ZFHX3: variants seen among roughly 807,000 people sequenced by gnomAD.
ZFHX3 encodes zinc finger homeobox protein 3.
Under a neutral mutation model 279.1 loss-of-function variants are expected in ZFHX3, and 42 were observed. The ratio of observed to expected loss-of-function variants is 0.15; its 90% CI spans 0.12 to 0.19. ZFHX3 has a LOEUF of 0.19. Among genes scored for constraint, ZFHX3 ranks in the 10% least tolerant of loss-of-function variants. The pLI is 1.00. For missense variants in ZFHX3, 4,981 were observed against 4,754.0 expected (o/e 1.05, Z -1.40); for synonymous variants, 2,293 against 1,957.8 (o/e 1.17, Z -4.52).
intron 2 of ZFHX3, among the ~76,000 whole-genome samples, chr16:73,567,333 G>A (rs1349289424): frequency 6.6e-6 from 1 of 151,988 alleles, no homozygotes; most frequent in African/African-American, 2.4e-5. Context: ...GGGAAACACT[G>A]TTCAATTTCA....
chr16:73,143,323 GAAGCCTTCACC>G (rs1966852309), intron 6 of ZFHX3, among the ~76,000 whole-genome samples: 1 of 151,902 alleles, frequency 6.6e-6, no homozygotes, highest in African/African-American at 2.4e-5. Context: ...AACTTCTAAC[GAAGCCTTCACC>G]AAGAAATGCT....
intron 2 of ZFHX3, among the ~76,000 whole-genome samples, chr16:73,586,343 C>T (rs1038543833): frequency 4.0e-5 from 6 of 151,740 alleles, no homozygotes; most frequent in South Asian, 4.2e-4. Flanking sequence ...AAGCTGAGAT[C>T]GCACCACTGC....
chr16:73,114,361 A>G (rs1390462468), intron 7 of ZFHX3, among the ~76,000 whole-genome samples: 2 of 151,986 alleles, frequency 1.3e-5, no homozygotes, highest in African/African-American at 4.8e-5. Flanking sequence ...TTTATTAATC[A>G]CCCCTTAGGT....
At chr16:73,456,527 C>T (rs1006979074) in intron 2 of ZFHX3, among the ~76,000 whole-genome samples, 1 of 152,150 alleles carries the variant, frequency 6.6e-6, no homozygotes, top group Non-Finnish European at 1.5e-5. Context: ...TTACACAGAA[C>T]GCTTACCACT....
At chr16:73,546,671 T>C (rs181817094) in intron 2 of ZFHX3, among the ~76,000 whole-genome samples, 77 of 143,520 alleles carry the variant, frequency 5.4e-4, no homozygotes, top group Admixed American at 1.1e-3. Context: ...GGTGCTGCTG[T>C]TGCTGCTGCT....
At chr16:73,046,245 T>A (rs1965297180) in intron 1 of ZFHX3, among the ~76,000 whole-genome samples, 1 of 152,218 alleles carries the variant, frequency 6.6e-6, no homozygotes, top group Non-Finnish European at 1.5e-5. Flanking sequence ...TTTGGAACCG[T>A]GGTCTCCTGA....
At chr16:73,252,765 A>G (rs1567431345) in intron 5 of ZFHX3, among the ~76,000 whole-genome samples, 1 of 152,196 alleles carries the variant, frequency 6.6e-6, no homozygotes, top group Non-Finnish European at 1.5e-5. Flanking sequence ...GGAAGGAGCC[A>G]GAGAAAGTCT....
intron 4 of ZFHX3, among the ~76,000 whole-genome samples, chr16:73,308,638 T>C (rs1318692522): frequency 6.6e-6 from 1 of 152,072 alleles, no homozygotes; most frequent in Non-Finnish European, 1.5e-5. Context: ...AATTTTGTAG[T>C]GCTAAGCTAG....
At chr16:73,213,811 G>C (rs550294528) in intron 5 of ZFHX3, among the ~76,000 whole-genome samples, 23 of 152,196 alleles carry the variant, frequency 1.5e-4, no homozygotes, top group African/African-American at 5.5e-4. Context: ...CTCCAGTTGA[G>C]TGCAGATACA....
chr16:73,786,840 T>C (rs1285066930), intron 1 of ZFHX3, among the ~76,000 whole-genome samples: 1 of 152,118 alleles, frequency 6.6e-6, no homozygotes, highest in Non-Finnish European at 1.5e-5. Flanking sequence ...AGTTGTCCTA[T>C]TCCTAGCTCT....
At chr16:73,858,106 A>AG (rs1425219086) in intron 1 of ZFHX3, among the ~76,000 whole-genome samples, 4 of 151,912 alleles carry the variant, frequency 2.6e-5, no homozygotes, top group East Asian at 1.9e-4. Context: ...AAAAAAAAAA[A>AG]AAGAAGAAGA....
chr16:73,550,452 G>A (rs969329917), intron 2 of ZFHX3, among the ~76,000 whole-genome samples: 6 of 152,204 alleles, frequency 3.9e-5, no homozygotes, highest in East Asian at 1.9e-4. Context: ...AACGCCCGCC[G>A]TCCCTGTGGC....
chr16:72,870,329 T>C (rs1210761439), intron 4 of ZFHX3, among the ~76,000 whole-genome samples: 1 of 150,974 alleles, frequency 6.6e-6, no homozygotes, highest in Non-Finnish European at 1.5e-5. Flanking sequence ...GAGGTGGAGG[T>C]TGCAGTGAGC....
intron 2 of ZFHX3, among the ~76,000 whole-genome samples, chr16:73,519,077 A>G (rs1170940664): frequency 6.6e-6 from 1 of 152,200 alleles, no homozygotes; most frequent in African/African-American, 2.4e-5. Context: ...AAGCTCATCA[A>G]CTTCTCGAGA....
intron 2 of ZFHX3, among the ~76,000 whole-genome samples, chr16:73,662,043 G>C (rs933729048): frequency 2.3e-5 from 3 of 131,102 alleles, no homozygotes; most frequent in Admixed American, 8.8e-5. Context: ...TGTTACACAA[G>C]AACTCAGGGT....
rs11442717 is a variant in ZFHX3 at position 73,578,383 on chromosome 16, G to GAA, written c.-1547+101795_-1547+101796dup. ...TGCTCAAGTTTCGTAGATGTTAAAT[G>GAA]AAAAAAAAAAAAACAAAGGGAAGGA... On this transcript the variant is annotated intron_variant, in intron 2 of 17. Coordinates refer to the ZFHX3 transcript ENST00000641206. Among the ~76,000 whole-genome samples the GAA allele has an allele frequency of 2.3e-3, 325 of 144,206 alleles. 2 individuals are homozygous for GAA. The highest frequency in any genetic ancestry group is 5.2e-3 in the East Asian group (26 of 5,008). 94.6% of individuals were successfully genotyped at this position (144,206 alleles called of 152,430 possible).
intron 1 of ZFHX3, among the ~76,000 whole-genome samples, chr16:72,964,616 C>A (rs1318209756): frequency 1.3e-5 from 2 of 149,660 alleles, no homozygotes; most frequent in South Asian, 4.2e-4. Context: ...CAGTGAGCTA[C>A]GATCGGGCCA....
At chr16:73,395,949 C>A (rs2056077296) in intron 3 of ZFHX3, among the ~76,000 whole-genome samples, 1 of 152,182 alleles carries the variant, frequency 6.6e-6, no homozygotes, top group Admixed American at 6.5e-5. Flanking sequence ...TAGAGTTATA[C>A]TTTTAACAAG....
chr16:73,671,731 A>G (rs1331754365), intron 2 of ZFHX3, among the ~76,000 whole-genome samples: 1 of 152,214 alleles, frequency 6.6e-6, no homozygotes, highest in Non-Finnish European at 1.5e-5. Context: ...TTTTAAGTTA[A>G]GCCAACTAGT....
Sources: gnomAD v4.1 joint callset for allele counts (sites outside exome capture counted in the v4.1 genomes callset) on GRCh38, gnomAD v4.1.1 for gene constraint, MANE v1.5 for transcripts, NCBI Gene and HGNC (gene_info 2026-07-23, HGNC 2026-07-21) for gene names.